Variants in ZFHX3 observed in about 807,000 individuals in gnomAD.
ZFHX3 encodes the protein zinc finger homeobox 3.
A neutral mutation model predicts 279.1 loss-of-function variants in ZFHX3; 42 were observed. The observed-to-expected ratio is 0.15, with a 90% CI of 0.12 to 0.19. The LOEUF is 0.19. Among genes scored for constraint, ZFHX3 ranks in the 10% least tolerant of loss-of-function variants. The pLI is 1.00. For missense variants in ZFHX3, 4,981 were observed against 4,754.0 expected (o/e 1.05, Z -1.40); for synonymous variants, 2,293 against 1,957.8 (o/e 1.17, Z -4.52).
chr16:73,847,259 C>A (rs1037910279), intron 1 of ZFHX3, among the ~76,000 whole-genome samples: 1 of 152,134 alleles, frequency 6.6e-6, no homozygotes, highest in Non-Finnish European at 1.5e-5. Context: ...TGAGACTGCC[C>A]CATTGCACTC....
intron 1 of ZFHX3, among the ~76,000 whole-genome samples, chr16:73,849,861 T>C (rs1003913033): frequency 6.6e-5 from 10 of 152,186 alleles, no homozygotes; most frequent in Non-Finnish European, 1.3e-4. Context: ...GCCTCCCAAG[T>C]GGCGGGGATT....
intron 3 of ZFHX3, chr16:73,455,993 T>C (rs950532386): frequency 2.6e-5 from 4 of 152,144 alleles, no homozygotes; most frequent in African/African-American, 4.8e-5. Context: ...GAAGCAGAAA[T>C]ATCCCTTACC....
chr16:73,667,888 G>C (rs146884123), intron 2 of ZFHX3, among the ~76,000 whole-genome samples: 2 of 152,112 alleles, frequency 1.3e-5, no homozygotes, highest in Non-Finnish European at 2.9e-5. Context: ...CAAATCGCAG[G>C]TTTCCTGAAG....
In ZFHX3 at chr16:72,786,991, G is replaced by A. The variant is rs1411389443; in HGVS notation, c.*173C>T. Reference sequence around the variant, plus strand: ...AAAAAGACAAGAATGTAAAATCACCGGCATAGATAGGTATATGGGAAAACA... The same window carrying A: ...AAAAAGACAAGAATGTAAAATCACCAGCATAGATAGGTATATGGGAAAACA... On this transcript the variant is annotated 3_prime_UTR_variant, in exon 10 of 10. Coordinates refer to ENST00000268489, the MANE Select transcript of ZFHX3 (RefSeq NM_006885.4). 8 of 518,652 alleles carry A rather than the reference G, an allele frequency of 1.5e-5. No individual in the cohort carries two copies. In the Admixed American group the frequency reaches 1.8e-4, roughly 12 times the overall value. The allele number at this position is 518,652 out of a possible 1,614,324, so 32.1% of individuals were successfully genotyped here.
chr16:73,593,598 G>GGGAA (rs199722840), intron 2 of ZFHX3, among the ~76,000 whole-genome samples: 3,245 of 148,980 alleles, frequency 0.022, 176 homozygotes, highest in East Asian at 0.18. Flanking sequence ...GAGGGAGGGA[G>GGGAA]GGAAGGAAGG....
intron 1 of ZFHX3, among the ~76,000 whole-genome samples, chr16:72,975,125 A>C (rs7199343): frequency 3.2e-4 from 48 of 152,114 alleles, no homozygotes; most frequent in African/African-American, 1.1e-3. Flanking sequence ...TTTGTTTGAA[A>C]GACTTCCAAA....
At chr16:73,548,598 C>A (rs944614382) in intron 2 of ZFHX3, among the ~76,000 whole-genome samples, 1 of 151,316 alleles carries the variant, frequency 6.6e-6, no homozygotes, top group Non-Finnish European at 1.5e-5. Flanking sequence ...AGAAATAACC[C>A]ACATAAATAT....
chr16:73,536,463 G>T (rs1348549607), intron 2 of ZFHX3, among the ~76,000 whole-genome samples: 1 of 152,128 alleles, frequency 6.6e-6, no homozygotes, highest in Admixed American at 6.5e-5. Flanking sequence ...TGCTGCAACA[G>T]TGTGCCACCA....
At position 73,298,826 on chromosome 16, in the gene ZFHX3, G is replaced by A. The variant is rs1054964246; in HGVS notation, c.-1194+19414C>T. Among the ~76,000 whole-genome samples, 11 of 152,172 alleles carry A rather than the reference G, an allele frequency of 7.2e-5. No homozygotes were observed. The East Asian group carries it at 7.7e-4, about 11-fold the overall frequency. On this transcript the variant is annotated intron_variant, in intron 4 of 17. Coordinates refer to the ZFHX3 transcript ENST00000641206. Reference sequence around the variant, plus strand: ...AGTTACCACAGTGAAAATTTGTTTCGTTACTGATAGTGATGCCTGACGTAA... The same window carrying A: ...AGTTACCACAGTGAAAATTTGTTTCATTACTGATAGTGATGCCTGACGTAA...
rs267604631 is a variant in ZFHX3, at chr16:72,797,433, G to A, written c.5249C>T (p.Ala1750Val). Residue 1750 changes from alanine (A) to valine (V), a missense_variant, in exon 9 of 10, where the codon GCT becomes GTT. Ala to Val is a moderately conservative substitution (Grantham distance 64). Around this residue, in one of 7 missense-constraint regions of ZFHX3, gnomAD observed 1,751 missense variants for 1,770.0 expected, o/e 0.99. Coordinates refer to ENST00000268489, the MANE Select transcript of ZFHX3 (RefSeq NM_006885.4). ...QQAQTLAQAQ[A>V]QVQAHLQQEL... ...CTGCTGCAGGTGAGCTTGAACTTGA[G>A]CCTGGGCCTGGGCCAGCGTTTGTGC... is the stretch of plus-strand genomic sequence containing the variant. 1.2e-6 allele frequency: 2 copies of A among 1,613,112 alleles called. No individual in the cohort carries two copies.
At chr16:73,556,818 G>A (rs551183697) in intron 2 of ZFHX3, among the ~76,000 whole-genome samples, 64 of 151,880 alleles carry the variant, frequency 4.2e-4, no homozygotes, top group Non-Finnish European at 6.8e-4. Flanking sequence ...CAGTGAGGCC[G>A]GGCGCGGTGG....
At chr16:73,182,931 G>C (rs1204543039) in intron 5 of ZFHX3, among the ~76,000 whole-genome samples, 1 of 152,202 alleles carries the variant, frequency 6.6e-6, no homozygotes, top group Admixed American at 6.5e-5. Flanking sequence ...GGGGCCGGGC[G>C]TGGTGGCTCA....
chr16:73,464,140 A>T (rs1479988547), intron 2 of ZFHX3, among the ~76,000 whole-genome samples: 2 of 152,090 alleles, frequency 1.3e-5, no homozygotes, highest in African/African-American at 4.8e-5. Flanking sequence ...AATTATTACT[A>T]ATTTGTAAAC....
At chr16:73,381,364 G>A (rs1008633184) in intron 3 of ZFHX3, among the ~76,000 whole-genome samples, 3 of 151,994 alleles carry the variant, frequency 2.0e-5, no homozygotes, top group Non-Finnish European at 2.9e-5. Flanking sequence ...TGAAAAGCAT[G>A]AAAAATAAAA....
At chr16:73,678,146 ATTAT>A (rs2052973331) in intron 2 of ZFHX3, among the ~76,000 whole-genome samples, 1 of 152,178 alleles carries the variant, frequency 6.6e-6, no homozygotes, top group African/African-American at 2.4e-5. Flanking sequence ...GATACAGGAA[ATTAT>A]TTATATTAGC....
intron 1 of ZFHX3, among the ~76,000 whole-genome samples, chr16:73,783,884 T>C (rs372680666): frequency 1.1e-4 from 16 of 152,280 alleles, no homozygotes; most frequent in Admixed American, 6.5e-4. Flanking sequence ...GAGTTTCACC[T>C]CACCCTGGAC....
At chr16:73,741,028 C>CTTTTTT (rs57661722) in intron 1 of ZFHX3, among the ~76,000 whole-genome samples, 2 of 85,576 alleles carry the variant, frequency 2.3e-5, no homozygotes, top group African/African-American at 8.3e-5. Context: ...AAAAATGGGC[C>CTTTTTT]TTTTTTTTTT....
intron 3 of ZFHX3, among the ~76,000 whole-genome samples, chr16:73,433,238 G>A (rs1237774859): frequency 6.6e-6 from 1 of 152,318 alleles, no homozygotes; most frequent in Admixed American, 6.5e-5. Flanking sequence ...AGAGAGATTT[G>A]AAACCCCACA....
intron 4 of ZFHX3, among the ~76,000 whole-genome samples, chr16:73,269,704 ATT>A (rs372816080): frequency 4.0e-5 from 6 of 151,714 alleles, no homozygotes; most frequent in African/African-American, 1.5e-4. Flanking sequence ...TTCATCATAT[ATT>A]TAACTTTACA....
Sources: allele counts gnomAD v4.1 joint callset (sites outside exome capture counted in the v4.1 genomes callset), GRCh38; gene constraint gnomAD v4.1.1; regional missense constraint gnomAD v4.1.1; transcripts MANE v1.5; gene names NCBI Gene and HGNC (gene_info 2026-07-23, HGNC 2026-07-21).